VPS35L: variants seen among roughly 807,000 people sequenced by gnomAD.
The protein encoded by VPS35L is VPS35 endosomal protein sorting factor like, also known as VPS35 endosomal protein-sorting factor-like.
A neutral mutation model predicts 133.0 loss-of-function variants in VPS35L; 83 were observed. That is an observed-to-expected ratio of 0.62 (90% CI 0.52 to 0.75). The LOEUF (loss-of-function observed/expected upper bound fraction) is 0.75, where lower values mean the gene tolerates loss of function less well. Ranked by LOEUF, VPS35L falls within the 30% of genes least tolerant of loss-of-function variation. VPS35L has a pLI of 0.00. For missense variants in VPS35L, 1,083 were observed against 1,206.8 expected (o/e 0.90, Z 1.52); for synonymous variants, 423 against 449.9 (o/e 0.94, Z 0.76).
At chr16:19,571,765 G>A (rs548236117) in intron 3 of VPS35L, among the ~76,000 whole-genome samples, 2 of 151,282 alleles carry the variant, frequency 1.3e-5, no homozygotes, top group South Asian at 4.2e-4. Context: ...GGCTGGTCTC[G>A]AACTCCTAAC....
chr16:19,626,145 T>C, intron 14 of VPS35L, 32 bp from the exon 15 acceptor site: 1 of 1,478,296 alleles, frequency 6.8e-7, no homozygotes. Context: ...TCCAACCTGA[T>C]TTTTTAATTA....
chr16:19,573,983 C>G (rs1393031646), intron 4 of VPS35L, among the ~76,000 whole-genome samples: 2 of 152,122 alleles, frequency 1.3e-5, no homozygotes, highest in African/African-American at 2.4e-5. Flanking sequence ...GCTTTGGCCT[C>G]AAGACACTTA....
intron 14 of VPS35L, among the ~76,000 whole-genome samples, chr16:19,623,633 A>G (rs1567432555): frequency 6.6e-6 from 1 of 152,062 alleles, no homozygotes; most frequent in Non-Finnish European, 1.5e-5. Context: ...TTATTCAGGC[A>G]ACATGACAGA....
intron 22 of VPS35L, among the ~76,000 whole-genome samples, chr16:19,644,561 C>G (rs8052464): frequency 0.051 from 7,717 of 152,082 alleles, 635 homozygotes; most frequent in African/African-American, 0.17. Flanking sequence ...ATAAAATATT[C>G]AATGAAATTT....
intron 8 of VPS35L, among the ~76,000 whole-genome samples, chr16:19,592,276 C>T (rs947519763): frequency 8.0e-5 from 12 of 149,948 alleles, no homozygotes; most frequent in Non-Finnish European, 1.6e-4. Context: ...GACAGAGTCT[C>T]GCAGTGTTGC....
At chr16:19,594,148 G>T (rs1972128653) in intron 8 of VPS35L, among the ~76,000 whole-genome samples, 1 of 152,112 alleles carries the variant, frequency 6.6e-6, no homozygotes, top group Non-Finnish European at 1.5e-5. Context: ...GGGATGAAAT[G>T]CACTGATTAT....
chr16:19,619,558 A>G (rs1486988262), intron 14 of VPS35L, among the ~76,000 whole-genome samples: 1 of 152,076 alleles, frequency 6.6e-6, no homozygotes, highest in Non-Finnish European at 1.5e-5. Context: ...TGAAATGAGA[A>G]CGCTTTTTTT....
chr16:19,690,418 G>A (rs1051648304), intron 28 of VPS35L, among the ~76,000 whole-genome samples: 2 of 152,214 alleles, frequency 1.3e-5, no homozygotes, highest in Non-Finnish European at 2.9e-5. Flanking sequence ...GTCACAGGAC[G>A]AGACCCAGCA....
intron 9 of VPS35L, among the ~76,000 whole-genome samples, chr16:19,605,493 G>A (rs1338598285): frequency 6.6e-6 from 1 of 152,196 alleles, no homozygotes; most frequent in Non-Finnish European, 1.5e-5. Flanking sequence ...AGCCCTGTAT[G>A]AACTGGCTTG....
chr16:19,561,007 G>A (rs964440289), intron 1 of VPS35L, among the ~76,000 whole-genome samples: 2 of 152,060 alleles, frequency 1.3e-5, no homozygotes, highest in East Asian at 3.9e-4. Context: ...TGAAGATAGT[G>A]TATATTTTGT....
At chr16:19,666,919 T>TCTTCCTTTCTTCCTTTCTTC (rs1436416834) in intron 26 of VPS35L, among the ~76,000 whole-genome samples, 68 of 90,212 alleles carry the variant, frequency 7.5e-4, no homozygotes, top group African/African-American at 4.2e-3. Context: ...TTTCTTTCTT[T>TCTTCCTTTCTTCCTTTCTTC]CTTTCTTTCT....
At chr16:19,601,461 A>G in intron 8 of VPS35L, 1 of 546,778 alleles carries the variant, frequency 1.8e-6, no homozygotes, top group Non-Finnish European at 3.2e-6. Flanking sequence ...CTGCCTTTCA[A>G]AGAAAGTAAA....
intron 19 of VPS35L, among the ~76,000 whole-genome samples, chr16:19,636,403 C>T (rs879109284): frequency 6.6e-6 from 1 of 151,984 alleles, no homozygotes; most frequent in African/African-American, 2.4e-5. Context: ...GGAAAAAAAT[C>T]CTGTCTTTTA....
chr16:19,650,056 G>A (rs1974076446), intron 24 of VPS35L, among the ~76,000 whole-genome samples: 1 of 152,134 alleles, frequency 6.6e-6, no homozygotes, highest in African/African-American at 2.4e-5. Flanking sequence ...TTAAACTTTG[G>A]TGTGGTAGGA....
intron 14 of VPS35L, among the ~76,000 whole-genome samples, chr16:19,624,767 A>G (rs1973208187): frequency 6.6e-6 from 1 of 152,110 alleles, no homozygotes; most frequent in Admixed American, 6.6e-5. Context: ...CATTTTTGCC[A>G]CTTATTAGGA....
At chr16:19,696,434 C>T (rs1046460575) in intron 29 of VPS35L, among the ~76,000 whole-genome samples, 1 of 152,188 alleles carries the variant, frequency 6.6e-6, no homozygotes, top group African/African-American at 2.4e-5. Flanking sequence ...TCCTCTAAGG[C>T]CACGTGAAGG....
At chr16:19,562,953 TG>T (rs928525071) in intron 1 of VPS35L, among the ~76,000 whole-genome samples, 24 of 151,948 alleles carry the variant, frequency 1.6e-4, no homozygotes, top group Non-Finnish European at 3.2e-4. Context: ...TTTGTAGAGA[TG>T]GGGTTTCGCC....
chr16:19,637,148 G>A (rs762561927), intron 19 of VPS35L, among the ~76,000 whole-genome samples: 16 of 152,348 alleles, frequency 1.1e-4, no homozygotes, highest in Admixed American at 3.3e-4. Context: ...ATAGTGTTGA[G>A]TAGTTGTGGT....
chr16:19,621,999 T>A (rs1397243883), intron 14 of VPS35L, among the ~76,000 whole-genome samples: 1 of 152,080 alleles, frequency 6.6e-6, no homozygotes, highest in African/African-American at 2.4e-5. Context: ...TGCACGTGCA[T>A]GCATATGAGA....
Sources: allele counts gnomAD v4.1 joint callset (sites outside exome capture counted in the v4.1 genomes callset), GRCh38; gene constraint gnomAD v4.1.1; transcripts MANE v1.5; gene names NCBI Gene and HGNC (gene_info 2026-07-23, HGNC 2026-07-21).